SLC35D1: variants seen among roughly 807,000 people sequenced by gnomAD.
SLC35D1 encodes the protein nucleotide sugar transporter SLC35D1.
In SLC35D1, 31 loss-of-function variants were observed where a neutral mutation model predicts 46.7. The ratio of observed to expected loss-of-function variants is 0.66; its 90% CI spans 0.50 to 0.90. The LOEUF is 0.90. SLC35D1 is among the 40% of genes least tolerant of loss of function. The pLI is 0.00. For synonymous variants in SLC35D1, 195 were observed against 164.6 expected, an observed-to-expected ratio of 1.18 and a Z score of -1.41; for missense variants, 397 against 426.2, an observed-to-expected ratio of 0.93 and a Z score of 0.60.
chr1:66,975,783 T>C, the SLC35D1 span, among the ~76,000 whole-genome samples: 1 of 152,206 alleles, frequency 6.6e-6, no homozygotes, highest in Non-Finnish European at 1.5e-5. Context: ...AGCATTATTA[T>C]GATACTTTTA....
At chr1:67,012,115 T>C (rs953206442) in intron 10 of SLC35D1, among the ~76,000 whole-genome samples, 6 of 152,176 alleles carry the variant, frequency 3.9e-5, no homozygotes, top group African/African-American at 1.4e-4. Context: ...CCCAAGACTT[T>C]GTTCCAAATG....
chr1:66,990,411 G>C, the SLC35D1 span, among the ~76,000 whole-genome samples: 1 of 152,144 alleles, frequency 6.6e-6, no homozygotes, highest in African/African-American at 2.4e-5. Flanking sequence ...AAGTGGCTGG[G>C]ACAGGTGTGC....
chr1:67,037,069 T>A (rs1668138825), intron 8 of SLC35D1, among the ~76,000 whole-genome samples: 1 of 152,130 alleles, frequency 6.6e-6, no homozygotes, highest in Admixed American at 6.6e-5. Flanking sequence ...AGAAAACTAA[T>A]AAGAACTCTA....
chr1:67,013,157 G>GATAGATAGATATATATATATATATATAT (rs1553264879), intron 10 of SLC35D1, among the ~76,000 whole-genome samples: 34 of 29,834 alleles, frequency 1.1e-3, no homozygotes, highest in Non-Finnish European at 2.3e-4. Context: ...ATATCCTGGA[G>GATAGATAGATATATATATATATATATAT]ATATATATAT....
the SLC35D1 span, among the ~76,000 whole-genome samples, chr1:66,975,696 A>T: frequency 7.9e-5 from 12 of 152,264 alleles, no homozygotes; most frequent in Middle Eastern, 3.4e-3. Flanking sequence ...ATTTAACATT[A>T]TGTGAGGGGA....
At chr1:66,997,097 G>C (rs1323608179), downstream of SLC35D1, among the ~76,000 whole-genome samples, 1 of 152,174 alleles carries the variant, frequency 6.6e-6, no homozygotes, top group African/African-American at 2.4e-5. Flanking sequence ...AACAAGAGTA[G>C]AAGTAAATAA....
At chr1:67,040,785 G>C (rs1668227304) in intron 8 of SLC35D1, among the ~76,000 whole-genome samples, 1 of 152,232 alleles carries the variant, frequency 6.6e-6, no homozygotes, top group Non-Finnish European at 1.5e-5. Context: ...AGTCCATTTG[G>C]TTCAATGTCT....
rs745674198 is a variant in SLC35D1, at chr1:67,004,397, C to G, written c.1011G>C (p.Leu337=). Residue 337 remains leucine, a synonymous_variant, in exon 12 of 12, where the codon CTG becomes CTC. Transcript: ENST00000235345. ...TGTTATTAGCCTCTGACTGTTTGCT[C>G]AGCTGCTCTTCAGTGAAAGTGATAT... The part of the protein sequence containing the change: ...YSYITFTEEQ[L]SKQSEANNKL... 1 of 1,614,062 alleles carries G rather than the reference C, an allele frequency of 6.2e-7. No homozygotes were observed. The highest frequency in any genetic ancestry group is 8.5e-7 in the Non-Finnish European group (1 of 1,179,966).
intron 8 of SLC35D1, among the ~76,000 whole-genome samples, chr1:67,022,421 A>G (rs1252291714): frequency 6.6e-6 from 1 of 152,192 alleles, no homozygotes; most frequent in Admixed American, 6.5e-5. Flanking sequence ...TCTTACTTGC[A>G]TGCCTTTGCC....
chr1:66,999,170 C>A (rs1667281081), downstream of SLC35D1, among the ~76,000 whole-genome samples: 1 of 152,142 alleles, frequency 6.6e-6, no homozygotes, highest in Admixed American at 6.5e-5. Flanking sequence ...AAGATTAGCA[C>A]TTCCTTCCTT....
chr1:67,043,469 A>T (rs1645217994), intron 7 of SLC35D1, among the ~76,000 whole-genome samples: 1 of 152,086 alleles, frequency 6.6e-6, no homozygotes, highest in African/African-American at 2.4e-5. Context: ...TGAACCCAGG[A>T]ATCCAAGGGA....
intron 11 of SLC35D1, among the ~76,000 whole-genome samples, chr1:67,007,619 A>T (rs1028363951): frequency 6.6e-6 from 1 of 152,224 alleles, no homozygotes; most frequent in Non-Finnish European, 1.5e-5. Context: ...GCAATTCATG[A>T]ACCACCTGAA....
chr1:66,982,048 AAACAT>A, the SLC35D1 span: 1 of 848,462 alleles, frequency 1.2e-6, no homozygotes, highest in South Asian at 1.7e-5. Flanking sequence ...CACATGAGAC[AAACAT>A]AACATCAGCA....
chr1:67,024,754 C>CT (rs1372126620), intron 8 of SLC35D1, among the ~76,000 whole-genome samples: 5 of 151,876 alleles, frequency 3.3e-5, no homozygotes, highest in Admixed American at 1.3e-4. Flanking sequence ...GCCCCCCAAC[C>CT]TTTTTTTTAA....
chr1:67,038,959 T>C (rs1305266215), intron 8 of SLC35D1, among the ~76,000 whole-genome samples: 1 of 152,158 alleles, frequency 6.6e-6, no homozygotes, highest in African/African-American at 2.4e-5. Context: ...TACATTCTTA[T>C]GGTAATATAT....
intron 8 of SLC35D1, among the ~76,000 whole-genome samples, chr1:67,023,098 T>C (rs1003899655): frequency 6.6e-5 from 10 of 152,230 alleles, no homozygotes; most frequent in Non-Finnish European, 1.3e-4. Flanking sequence ...GACACTTATT[T>C]GGGTTATTTC....
downstream of SLC35D1, among the ~76,000 whole-genome samples, chr1:66,995,474 A>G (rs938801586): frequency 1.0e-5 from 1 of 98,070 alleles, no homozygotes; most frequent in Admixed American, 1.1e-4. Flanking sequence ...AAAAAAAAAA[A>G]AAAAAAAACA....
intron 11 of SLC35D1, among the ~76,000 whole-genome samples, chr1:67,007,345 G>A (rs552329710): frequency 6.6e-6 from 1 of 152,160 alleles, no homozygotes; most frequent in African/African-American, 2.4e-5. Context: ...CTTACATAAG[G>A]GCACTAATCT....
chr1:66,986,658 CACTTG>C, the SLC35D1 span: 2 of 525,682 alleles, frequency 3.8e-6, no homozygotes, highest in South Asian at 3.0e-5. Context: ...CACTTTGCAA[CACTTG>C]ACTTCATCTT....
Sources: allele counts gnomAD v4.1 joint callset (sites outside exome capture counted in the v4.1 genomes callset), GRCh38; gene constraint gnomAD v4.1.1; transcripts MANE v1.5; gene names NCBI Gene and HGNC (gene_info 2026-07-23, HGNC 2026-07-21).